Variants in CA1 observed in about 807,000 individuals in gnomAD.
The protein encoded by CA1 is carbonic anhydrase 1, also known as carbonate dehydratase I.
Under a neutral mutation model 28.8 loss-of-function variants are expected in CA1, and 27 were observed. The ratio of observed to expected loss-of-function variants is 0.94; its 90% CI spans 0.69 to 1.29. The LOEUF is 1.29. Among genes scored for constraint, CA1 ranks in the 50% most tolerant of loss-of-function variants. CA1 has a pLI of 0.00. For missense variants in CA1, 335 were observed against 310.5 expected (o/e 1.08, Z -0.59); for synonymous variants, 121 against 108.8 (o/e 1.11, Z -0.70).
At chr8:85,354,896 G>A (rs1465759614) in intron 1 of CA1, among the ~76,000 whole-genome samples, 1 of 152,172 alleles carries the variant, frequency 6.6e-6, no homozygotes, top group Admixed American at 6.5e-5. Context: ...CTGTATGCCT[G>A]CTTTCCATTC....
At chr8:85,376,556 G>A (rs941410722) in intron 1 of CA1, among the ~76,000 whole-genome samples, 5 of 151,512 alleles carry the variant, frequency 3.3e-5, no homozygotes, top group East Asian at 1.9e-4. Context: ...CAGGTACTCC[G>A]GAGACTGAGG....
chr8:85,376,188 G>A (rs1047064765), intron 1 of CA1, among the ~76,000 whole-genome samples: 4 of 151,972 alleles, frequency 2.6e-5, no homozygotes, highest in Admixed American at 6.6e-5. Flanking sequence ...AAAATTGGCC[G>A]GGTGTGGTAG....
intron 1 of CA1, among the ~76,000 whole-genome samples, chr8:85,349,050 G>A (rs1809307829): frequency 6.6e-6 from 1 of 152,180 alleles, no homozygotes; most frequent in African/African-American, 2.4e-5. Flanking sequence ...AATAAATGGG[G>A]AAGGAATAAA....
chr8:85,338,716 CTTT>C (rs56775953), intron 2 of CA1, among the ~76,000 whole-genome samples: 3 of 114,350 alleles, frequency 2.6e-5, no homozygotes, highest in Admixed American at 1.9e-4. Flanking sequence ...CTTTCTCTCT[CTTT>C]TTTTTTTTTT....
chr8:85,331,782 C>A (rs1808417593), intron 6 of CA1, among the ~76,000 whole-genome samples: 1 of 151,888 alleles, frequency 6.6e-6, no homozygotes, highest in South Asian at 2.1e-4. Flanking sequence ...TTATTTTATT[C>A]TTTTCTGCTT....
intron 1 of CA1, among the ~76,000 whole-genome samples, chr8:85,362,951 TG>T (rs1177727388): frequency 1.3e-5 from 2 of 152,248 alleles, no homozygotes; most frequent in Admixed American, 6.5e-5. Flanking sequence ...TATAGTCATC[TG>T]TGTGAACTGC....
Position 85,327,782 on chromosome 8 carries a change from A to G in CA1, c.*778T>C, listed in dbSNP as rs563924990. The G allele has an allele frequency of 8.5e-5, 13 of 152,370 alleles. No homozygotes were observed. The highest frequency in any genetic ancestry group is 4.6e-4 in the Admixed American group (7 of 15,294). 9.4% of individuals were successfully genotyped at this position (152,370 alleles called of 1,614,324 possible). A position where few individuals can be genotyped will look rare whatever the true frequency, so the allele number is the denominator to read the frequency against. On this transcript the variant is annotated 3_prime_UTR_variant, in exon 8 of 8. Transcript: ENST00000523022. ...GACTAAAAGATTGCATGATGTTTCT[A>G]TATGATTCTAAGCAAGAATGACTTC...
At chr8:85,330,376 G>A (rs895895991) in intron 6 of CA1, among the ~76,000 whole-genome samples, 1 of 152,048 alleles carries the variant, frequency 6.6e-6, no homozygotes, top group Admixed American at 6.6e-5. Context: ...GAGTTTTCAG[G>A]TGGATGTTAG....
At chr8:85,331,671 TG>T (rs1241081374) in intron 6 of CA1, among the ~76,000 whole-genome samples, 2 of 152,054 alleles carry the variant, frequency 1.3e-5, no homozygotes, top group Admixed American at 6.6e-5. Context: ...TTGGCCAGGC[TG>T]GTCTTGAACT....
intron 1 of CA1, among the ~76,000 whole-genome samples, chr8:85,344,735 G>A (rs1479645083): frequency 6.6e-6 from 1 of 152,076 alleles, no homozygotes; most frequent in African/African-American, 2.4e-5. Flanking sequence ...GCCTAGTTAT[G>A]GACGAGATCT....
At chr8:85,372,311 C>T (rs1377431547) in intron 1 of CA1, among the ~76,000 whole-genome samples, 1 of 152,106 alleles carries the variant, frequency 6.6e-6, no homozygotes, top group African/African-American at 2.4e-5. Context: ...GACAAAAATA[C>T]AGCAGAAAAC....
Position 85,338,388 on chromosome 8 carries a change from A to C in CA1, c.99T>G (p.Asp33Glu). Residue 33 changes from aspartate (D) to glutamate (E), a missense_variant, in exon 3 of 8, where the codon GAT (aspartate) becomes GAG (glutamate). Transcript: ENST00000523022. ...CATGTTTGGTTTCACTGGTTTTAAT[A>C]TCAACAGGGGACTGGTTATTTCCAT... ...IANGNNQSPV[D>E]IKTSETKHDT... 1 of 1,614,008 alleles carries C rather than the reference A, an allele frequency of 6.2e-7. No individual in the cohort carries two copies.
chr8:85,335,933 G>A (rs529789757), intron 4 of CA1, among the ~76,000 whole-genome samples: 14 of 152,250 alleles, frequency 9.2e-5, no homozygotes, highest in East Asian at 7.7e-4. Context: ...ACTTTGTAAC[G>A]TAGCAGTCTG....
At chr8:85,340,362 T>C (rs185047976) in intron 2 of CA1, among the ~76,000 whole-genome samples, 336 of 152,254 alleles carry the variant, frequency 2.2e-3, no homozygotes, top group Non-Finnish European at 4.1e-3. Context: ...TACAGCCTGG[T>C]TTACTGACTA....
intron 1 of CA1, among the ~76,000 whole-genome samples, chr8:85,361,363 A>G (rs1439453214): frequency 1.3e-5 from 2 of 152,170 alleles, no homozygotes; most frequent in Non-Finnish European, 2.9e-5. Context: ...AAAAGATAAT[A>G]AAGAAGAAAA....
intron 1 of CA1, among the ~76,000 whole-genome samples, chr8:85,362,056 G>A (rs1809818305): frequency 6.6e-6 from 1 of 152,162 alleles, no homozygotes; most frequent in East Asian, 1.9e-4. Context: ...CGTTTTTGGG[G>A]CTAAAATCAA....
chr8:85,349,922 T>C (rs975160667), intron 1 of CA1: 7 of 152,174 alleles, frequency 4.6e-5, no homozygotes, highest in African/African-American at 1.7e-4. Flanking sequence ...AATTATTTAT[T>C]AGGGTCTTCA....
At position 85,328,054 on chromosome 8, in the gene CA1, C is replaced by CA. The variant is rs1339034375; in HGVS notation, c.*505dup. 2 of 153,930 alleles carry CA rather than the reference C, an allele frequency of 1.3e-5. No individual in the cohort carries two copies. The highest frequency in any genetic ancestry group is 4.8e-5 in the African/African-American group (2 of 41,458). 9.5% of individuals were successfully genotyped at this position (153,930 alleles called of 1,614,324 possible). A position where few individuals can be genotyped will look rare whatever the true frequency, so the allele number is the denominator to read the frequency against. ...ACGATATTAAATCCAGTGGTCATCT[C>CA]AGCTATATTTTTGTCTTCAGGAGTA... On this transcript the variant is annotated 3_prime_UTR_variant, in exon 8 of 8. Transcript: ENST00000523022.
At chr8:85,336,909 C>A in intron 4 of CA1, 36 bp downstream of exon 4, 1 of 1,240,526 alleles carries the variant, frequency 8.1e-7, no homozygotes. Flanking sequence ...GGAGTACTCT[C>A]AGGGTAATTA....
Sources: allele counts gnomAD v4.1 joint callset (sites outside exome capture counted in the v4.1 genomes callset), GRCh38; gene constraint gnomAD v4.1.1; transcripts MANE v1.5; gene names NCBI Gene and HGNC (gene_info 2026-07-23, HGNC 2026-07-21).